SEMA3A: variants seen among roughly 807,000 people sequenced by gnomAD.
SEMA3A encodes the protein semaphorin 3A.
SEMA3A carries 29 observed loss-of-function variants against 97.9 expected under a neutral mutation model. That is an observed-to-expected ratio of 0.30 (90% CI 0.22 to 0.40). SEMA3A has a LOEUF of 0.40. Among genes scored for constraint, SEMA3A ranks in the 10% least tolerant of loss-of-function variants. The pLI, the probability that SEMA3A is intolerant of heterozygous loss-of-function variation, is 1.00. For synonymous variants in SEMA3A, 321 were observed against 323.7 expected, an observed-to-expected ratio of 0.99 and a Z score of 0.09; for missense variants, 763 against 951.3, an observed-to-expected ratio of 0.80 and a Z score of 2.60.
At chr7:83,987,097 TA>T (rs981477222) in intron 12 of SEMA3A, among the ~76,000 whole-genome samples, 10 of 149,850 alleles carry the variant, frequency 6.7e-5, no homozygotes, top group African/African-American at 2.4e-4. Context: ...TCTTATCTAA[TA>T]TATTATTAAT....
intron 3 of SEMA3A, among the ~76,000 whole-genome samples, chr7:84,110,817 T>C (rs1350888054): frequency 6.6e-6 from 1 of 152,142 alleles, no homozygotes; most frequent in Non-Finnish European, 1.5e-5. Flanking sequence ...ACAATTATTT[T>C]ATGCCCTTCC....
chr7:84,165,576 G>A (rs753957463), intron 1 of SEMA3A, among the ~76,000 whole-genome samples: 78 of 151,674 alleles, frequency 5.1e-4, no homozygotes, highest in Non-Finnish European at 7.2e-4. Flanking sequence ...TTTTTGAGGC[G>A]GAGTCTCACT....
At chr7:84,060,791 C>T (rs1793184581) in intron 4 of SEMA3A, among the ~76,000 whole-genome samples, 1 of 151,996 alleles carries the variant, frequency 6.6e-6, no homozygotes, top group South Asian at 2.1e-4. Flanking sequence ...ACGTTGCAAA[C>T]AATAATGTGT....
chr7:84,483,719 T>C (rs1239527847), intron 1 of SEMA3A, among the ~76,000 whole-genome samples: 2 of 151,470 alleles, frequency 1.3e-5, no homozygotes, highest in East Asian at 3.9e-4. Flanking sequence ...AGACTTTGAG[T>C]GGGGAATAGA....
At chr7:84,419,473 A>G (rs1460302392) in intron 1 of SEMA3A, among the ~76,000 whole-genome samples, 1 of 152,032 alleles carries the variant, frequency 6.6e-6, no homozygotes, top group Non-Finnish European at 1.5e-5. Context: ...GTGGAAAAGC[A>G]ATGGGTATAC....
Position 84,014,388 on chromosome 7 carries a change from G to A in SEMA3A, c.668-37C>T, listed in dbSNP as rs774319665. The A allele has an allele frequency of 2.7e-5, 41 of 1,516,402 alleles. No homozygotes were observed. In the Admixed American group the frequency reaches 6.4e-4, roughly 24 times the overall value. The allele number at this position is 1,516,402 out of a possible 1,614,324, so 93.9% of individuals were successfully genotyped here. On this transcript the variant is annotated intron_variant, in intron 6 of 16. Coordinates refer to ENST00000265362, the MANE Select transcript of SEMA3A (RefSeq NM_006080.3). ...ATAATAGCGTATATATTAATTCACA[G>A]CTTAATAAATAATACCATTCTGAAC...
At chr7:84,250,369 G>A (rs1799579724) in intron 3 of SEMA3A, among the ~76,000 whole-genome samples, 1 of 151,614 alleles carries the variant, frequency 6.6e-6, no homozygotes, top group Non-Finnish European at 1.5e-5. Context: ...TTTAACCTTT[G>A]TGGCTACTGT....
intron 3 of SEMA3A, among the ~76,000 whole-genome samples, chr7:84,205,781 C>G (rs1273198833): frequency 6.6e-6 from 1 of 152,112 alleles, no homozygotes; most frequent in Admixed American, 6.6e-5. Flanking sequence ...AAAGTTCATT[C>G]CTATTGTAGT....
intron 3 of SEMA3A, among the ~76,000 whole-genome samples, chr7:84,268,798 T>C (rs1407944670): frequency 6.6e-6 from 1 of 152,138 alleles, no homozygotes; most frequent in Non-Finnish European, 1.5e-5. Flanking sequence ...TTAACAAATA[T>C]CAAATTACTT....
intron 2 of SEMA3A, among the ~76,000 whole-genome samples, chr7:84,366,572 T>C (rs1267417339): frequency 1.3e-5 from 2 of 151,346 alleles, no homozygotes; most frequent in Non-Finnish European, 3.0e-5. Context: ...CTTCATCCTC[T>C]GTGATTCCGT....
At chr7:83,985,603 A>G in intron 12 of SEMA3A, 126 bp from the exon 13 acceptor site, 1 of 735,364 alleles carries the variant, frequency 1.4e-6, no homozygotes, top group Admixed American at 2.3e-5. Flanking sequence ...AAGCAATGTG[A>G]CTGGGAAATA....
intron 3 of SEMA3A, among the ~76,000 whole-genome samples, chr7:84,305,649 C>G (rs1801136359): frequency 6.6e-6 from 1 of 151,978 alleles, no homozygotes; most frequent in Non-Finnish European, 1.5e-5. Flanking sequence ...GACACCAGCT[C>G]TATGTATCAC....
intron 4 of SEMA3A, among the ~76,000 whole-genome samples, chr7:84,095,358 C>CACATATATAT (rs1211794166): frequency 0.018 from 2,259 of 122,772 alleles, 133 homozygotes; most frequent in African/African-American, 0.071. Flanking sequence ...TTTTTATATA[C>CACATATATAT]ATATATATAT....
At chr7:83,990,357 C>T (rs1789850521) in intron 12 of SEMA3A, among the ~76,000 whole-genome samples, 1 of 151,790 alleles carries the variant, frequency 6.6e-6, no homozygotes, top group African/African-American at 2.4e-5. Context: ...CTTTTGTTGC[C>T]ATGGCTTTTG....
intron 1 of SEMA3A, among the ~76,000 whole-genome samples, chr7:84,147,280 G>T (rs948074070): frequency 3.3e-5 from 5 of 152,236 alleles, no homozygotes; most frequent in East Asian, 1.9e-4. Context: ...TATTTAAATT[G>T]TTCTAATGCT....
At chr7:84,487,597 A>G (rs1310923159) in intron 1 of SEMA3A, among the ~76,000 whole-genome samples, 1 of 152,180 alleles carries the variant, frequency 6.6e-6, no homozygotes, top group Non-Finnish European at 1.5e-5. Context: ...TAGTTACTAG[A>G]TAATTCAAAA....
At chr7:84,022,094 T>G (rs576287899) in intron 6 of SEMA3A, among the ~76,000 whole-genome samples, 2 of 152,266 alleles carry the variant, frequency 1.3e-5, no homozygotes, top group Non-Finnish European at 2.9e-5. Context: ...GTCAATAGGA[T>G]TAAAATAATA....
At chr7:84,123,784 C>T (rs1262798774) in intron 3 of SEMA3A, among the ~76,000 whole-genome samples, 1 of 147,514 alleles carries the variant, frequency 6.8e-6, no homozygotes, top group Admixed American at 6.8e-5. Flanking sequence ...TATCTGATAA[C>T]CTTATATATA....
chr7:84,030,105 T>C (rs1250456585), intron 6 of SEMA3A, among the ~76,000 whole-genome samples: 1 of 152,140 alleles, frequency 6.6e-6, no homozygotes, highest in African/African-American at 2.4e-5. Flanking sequence ...TACAATGCAA[T>C]TAAAAATAAC....
Sources: gnomAD v4.1 joint callset for allele counts (sites outside exome capture counted in the v4.1 genomes callset) on GRCh38, gnomAD v4.1.1 for gene constraint, MANE v1.5 for transcripts, NCBI Gene and HGNC (gene_info 2026-07-23, HGNC 2026-07-21) for gene names.